The following SWT1 variants were observed in gnomAD, a reference collection of about 807,000 sequenced individuals.
SWT1 encodes the protein transcriptional protein SWT1.
SWT1 carries 33 observed loss-of-function variants against 107.3 expected under a neutral mutation model. The ratio of observed to expected loss-of-function variants is 0.31; its 90% CI spans 0.23 to 0.41. The LOEUF (loss-of-function observed/expected upper bound fraction) is 0.41. Among genes scored for constraint, SWT1 ranks in the 10% least tolerant of loss-of-function variants. SWT1 has a pLI of 1.00. For synonymous variants in SWT1, 345 were observed against 348.3 expected, an observed-to-expected ratio of 0.99 and a Z score of 0.11; for missense variants, 898 against 1,028.9, an observed-to-expected ratio of 0.87 and a Z score of 1.74.
chr1:185,252,669 AT>A (rs1464044071), intron 16 of SWT1, among the ~76,000 whole-genome samples: 1 of 151,788 alleles, frequency 6.6e-6, no homozygotes, highest in Non-Finnish European at 1.5e-5. Context: ...TTCATTGTAG[AT>A]TCTGGATATT....
At chr1:185,168,141 G>A (rs1654742592) in intron 3 of SWT1, among the ~76,000 whole-genome samples, 199 bp from the exon 4 acceptor site, 1 of 152,120 alleles carries the variant, frequency 6.6e-6, no homozygotes, top group Non-Finnish European at 1.5e-5. Context: ...CTGCTCTGCT[G>A]TGGACTTGCT....
intron 18 of SWT1, among the ~76,000 whole-genome samples, chr1:185,282,008 G>A (rs1571707845): frequency 1.3e-5 from 2 of 152,232 alleles, no homozygotes; most frequent in African/African-American, 4.8e-5. Flanking sequence ...ACCTAATACT[G>A]CAGTTTCAAT....
chr1:185,220,450 A>G (rs1201429749), intron 14 of SWT1, among the ~76,000 whole-genome samples: 2 of 151,866 alleles, frequency 1.3e-5, no homozygotes, highest in African/African-American at 4.8e-5. Flanking sequence ...TTCTTTCCTG[A>G]AACCTGACTC....
At chr1:185,178,746 A>G (rs1655782956) in intron 5 of SWT1, among the ~76,000 whole-genome samples, 1 of 152,036 alleles carries the variant, frequency 6.6e-6, no homozygotes, top group African/African-American at 2.4e-5. Flanking sequence ...GGCACTTCTT[A>G]AAGAGAACTT....
chr1:185,206,441 A>G (rs1406110335), intron 12 of SWT1, among the ~76,000 whole-genome samples, 184 bp from the exon 13 acceptor site: 1 of 152,244 alleles, frequency 6.6e-6, no homozygotes, highest in African/African-American at 2.4e-5. Context: ...CATGAGTTTT[A>G]CAAAAGCAAT....
chr1:185,198,938 A>ATTTT (rs58426812), intron 10 of SWT1, among the ~76,000 whole-genome samples: 2 of 129,906 alleles, frequency 1.5e-5, no homozygotes. Context: ...GCTCGTTTAC[A>ATTTT]TTTTTTTTTT....
chr1:185,249,257 T>C (rs990729014), intron 16 of SWT1, among the ~76,000 whole-genome samples: 1 of 152,204 alleles, frequency 6.6e-6, no homozygotes, highest in African/African-American at 2.4e-5. Context: ...TTGCCTGTTA[T>C]GGCATTGCCT....
chr1:185,264,742 G>A (rs1211715221), intron 16 of SWT1, among the ~76,000 whole-genome samples: 1 of 152,152 alleles, frequency 6.6e-6, no homozygotes, highest in East Asian at 1.9e-4. Flanking sequence ...ATATTATTAT[G>A]TTTCAATGCT....
chr1:185,160,129 CAA>C (rs1314207142), intron 1 of SWT1, among the ~76,000 whole-genome samples: 1 of 152,144 alleles, frequency 6.6e-6, no homozygotes, highest in Non-Finnish European at 1.5e-5. Context: ...TGTGATTTGC[CAA>C]AGTCTTGTTC....
intron 7 of SWT1, among the ~76,000 whole-genome samples, chr1:185,183,682 G>GTTAGAA (rs1656216430): frequency 6.6e-6 from 1 of 152,114 alleles, no homozygotes; most frequent in African/African-American, 2.4e-5. Flanking sequence ...GGTGATCCAT[G>GTTAGAA]ACAGAAGTTA....
At chr1:185,191,369 G>A (rs1656934163) in intron 10 of SWT1, among the ~76,000 whole-genome samples, 1 of 152,060 alleles carries the variant, frequency 6.6e-6, no homozygotes, top group East Asian at 1.9e-4. Context: ...GGACAGAAGA[G>A]CAATTTTAAT....
rs1571728510 is a variant in SWT1, at chr1:185,291,427, G to A, written c.*624G>A. The A allele has an allele frequency of 6.6e-6, 1 of 152,550 alleles. No homozygotes were observed. Among genetic ancestry groups the A allele is most frequent in the East Asian group, 1.9e-4 (1 of 5,182 alleles). The allele number at this position is 152,550 out of a possible 1,614,324, so 9.4% of individuals were successfully genotyped here. Reference sequence around the variant, plus strand: ...CACTTTTCAGTACATTTCTAGTGGGGAAGAGCAGGGCGACCCCTCTGCTGG... The same window carrying A: ...CACTTTTCAGTACATTTCTAGTGGGAAAGAGCAGGGCGACCCCTCTGCTGG... On this transcript the variant is annotated 3_prime_UTR_variant, in exon 19 of 19. Coordinates refer to ENST00000367500, the MANE Select transcript of SWT1 (RefSeq NM_017673.7).
chr1:185,225,084 A>G (rs149746185), intron 15 of SWT1, among the ~76,000 whole-genome samples: 1 of 152,128 alleles, frequency 6.6e-6, no homozygotes, highest in African/African-American at 2.4e-5. Context: ...GCATTGAGGT[A>G]TGCTCCTTCT....
At chr1:185,284,679 G>A (rs1451039054) in intron 18 of SWT1, among the ~76,000 whole-genome samples, 4 of 152,160 alleles carry the variant, frequency 2.6e-5, no homozygotes, top group African/African-American at 7.2e-5. Context: ...TCAGTGATTG[G>A]CTATACATTT....
chr1:185,215,302 C>T (rs1373778039), intron 14 of SWT1, among the ~76,000 whole-genome samples: 1 of 151,920 alleles, frequency 6.6e-6, no homozygotes, highest in African/African-American at 2.4e-5. Flanking sequence ...GATAGGATGC[C>T]CTTTTTCCCC....
intron 1 of SWT1, among the ~76,000 whole-genome samples, chr1:185,160,356 G>A (rs2102287818): frequency 6.6e-6 from 1 of 152,202 alleles, no homozygotes; most frequent in South Asian, 2.1e-4. Context: ...GAAGGAGAAT[G>A]AAAGTGAAGA....
At chr1:185,157,377 G>C (rs1278939246) in intron 1 of SWT1, 63 bp downstream of exon 1, 1 of 152,650 alleles carries the variant, frequency 6.6e-6, no homozygotes, top group Non-Finnish European at 1.5e-5. Context: ...CCCGCCCCAA[G>C]TATACTGGCG....
At chr1:185,248,062 A>G (rs2102633060) in intron 16 of SWT1, among the ~76,000 whole-genome samples, 1 of 152,320 alleles carries the variant, frequency 6.6e-6, no homozygotes, top group South Asian at 2.1e-4. Context: ...GTACATGATT[A>G]CTATGGTTAT....
At chr1:185,232,063 C>G (rs1023230711) in intron 16 of SWT1, among the ~76,000 whole-genome samples, 9 of 151,980 alleles carry the variant, frequency 5.9e-5, no homozygotes, top group Admixed American at 1.3e-4. Flanking sequence ...ATGGTTTTTG[C>G]AAACTATTGT....
Sources: gnomAD v4.1 joint callset for allele counts (sites outside exome capture counted in the v4.1 genomes callset) on GRCh38, gnomAD v4.1.1 for gene constraint, MANE v1.5 for transcripts, NCBI Gene and HGNC (gene_info 2026-07-23, HGNC 2026-07-21) for gene names.